Variants in SAXO1 observed in about 807,000 individuals in gnomAD.
SAXO1 encodes the protein 4930500O09Rik.
In SAXO1, 21 loss-of-function variants were observed where a neutral mutation model predicts 17.5. That is an observed-to-expected ratio of 1.20 (90% confidence interval 0.85 to 1.72). SAXO1 has a LOEUF of 1.72. Ranked by LOEUF, SAXO1 falls within the 40% of genes most tolerant of loss-of-function variation. The pLI is 0.00. For missense variants in SAXO1, 843 were observed against 596.0 expected, an observed-to-expected ratio of 1.41 and a Z score of -4.32; for synonymous variants, 274 against 216.5, an observed-to-expected ratio of 1.27 and a Z score of -2.33.
In SAXO1 at chr9:18,929,051, A is replaced by T; in HGVS notation, c.426T>A (p.Asp142Glu). ...GCCTTGGTTGGTTCCAAGGCAAATAATCAGCTGAAATTAAAGCAGAAGAGG... is the reference window on the plus strand; with the variant it reads ...GCCTTGGTTGGTTCCAAGGCAAATATTCAGCTGAAATTAAAGCAGAAGAGG... ...KMECLPTYKA[D>E]YLPWNQPRRE... The change falls in exon 4 of 4, where the codon GAT becomes GAA. Residue 142 changes from aspartate to glutamate, a missense_variant. Transcript: ENST00000380534. 1 of 1,613,468 alleles carries T rather than the reference A, an allele frequency of 6.2e-7. No individual in the cohort carries two copies.
intron 1 of SAXO1, among the ~76,000 whole-genome samples, chr9:18,989,260 G>A (rs1051122176): frequency 9.2e-5 from 14 of 152,060 alleles, no homozygotes; most frequent in African/African-American, 3.4e-4. Context: ...CTTCCCTATT[G>A]CTTTTAAGTG....
chr9:18,995,281 T>C (rs1430867326), intron 1 of SAXO1, among the ~76,000 whole-genome samples: 1 of 152,214 alleles, frequency 6.6e-6, no homozygotes, highest in East Asian at 1.9e-4. Flanking sequence ...TAGCGATCAG[T>C]ATCTATCTCT....
intron 1 of SAXO1, among the ~76,000 whole-genome samples, chr9:18,969,078 T>G (rs1832848627): frequency 6.6e-6 from 1 of 151,956 alleles, no homozygotes; most frequent in Non-Finnish European, 1.5e-5. Flanking sequence ...TTGTCTAAAT[T>G]AAGGAAATAT....
chr9:18,966,126 G>A (rs1832706572), intron 1 of SAXO1, among the ~76,000 whole-genome samples: 1 of 152,146 alleles, frequency 6.6e-6, no homozygotes, highest in African/African-American at 2.4e-5. Flanking sequence ...TAGTCTGATG[G>A]GCTTCCCTTT....
intron 2 of SAXO1, among the ~76,000 whole-genome samples, chr9:18,948,112 T>A (rs1032715839): frequency 6.6e-6 from 1 of 152,102 alleles, no homozygotes; most frequent in Non-Finnish European, 1.5e-5. Context: ...GTGCAGACAC[T>A]GGGCTGTGCA....
intron 2 of SAXO1, among the ~76,000 whole-genome samples, chr9:18,942,516 G>A (rs925547373): frequency 1.2e-4 from 18 of 152,150 alleles, no homozygotes; most frequent in African/African-American, 4.3e-4. Flanking sequence ...TCCTGCTAAT[G>A]TTTATCTCTT....
intron 1 of SAXO1, among the ~76,000 whole-genome samples, chr9:18,999,748 T>G (rs1194692348): frequency 2.7e-5 from 4 of 145,750 alleles, no homozygotes; most frequent in African/African-American, 1.0e-4. Context: ...GTCTGGGAAG[T>G]GAGGAGCGCC....
At chr9:18,934,211 A>G (rs1279470577) in intron 3 of SAXO1, among the ~76,000 whole-genome samples, 2 of 152,140 alleles carry the variant, frequency 1.3e-5, no homozygotes, top group Admixed American at 6.5e-5. Flanking sequence ...TGCCTCTTGA[A>G]TGTATTAATA....
chr9:19,027,540 T>C, intron 1 of SAXO1: 1 of 1,091,998 alleles, frequency 9.2e-7, no homozygotes, highest in Non-Finnish European at 1.4e-6. Context: ...AAGACCCTCC[T>C]GGCCTGGGCC....
At chr9:18,934,003 AG>A (rs1269555633) in intron 3 of SAXO1, among the ~76,000 whole-genome samples, 15 of 152,282 alleles carry the variant, frequency 9.9e-5, no homozygotes, top group South Asian at 2.1e-4. Context: ...CCGAGATTGC[AG>A]CCACTGCACT....
rs115713980 is a variant in SAXO1, at chr9:18,997,731, T to C, written c.38+35140A>G. Among the ~76,000 whole-genome samples the C allele has an allele frequency of 8.3e-3, 1,264 of 152,234 alleles. 18 individuals carry two copies. The highest frequency in any genetic ancestry group is 0.029 in the African/African-American group (1,193 of 41,566). ...CCAGTAGGGGCTGACAGATACTTCATACAGGTGGGTGCCGATCAAGGATGA... is the reference window on the plus strand; with the variant it reads ...CCAGTAGGGGCTGACAGATACTTCACACAGGTGGGTGCCGATCAAGGATGA... On this transcript the variant is annotated intron_variant, in intron 1 of 3. Coordinates refer to ENST00000380534, the MANE Select transcript of SAXO1 (RefSeq NM_153707.4).
At chr9:18,995,003 G>C (rs1314837704) in intron 1 of SAXO1, among the ~76,000 whole-genome samples, 3 of 152,182 alleles carry the variant, frequency 2.0e-5, no homozygotes, top group Non-Finnish European at 2.9e-5. Flanking sequence ...GGTTCCATTA[G>C]ACCATCCAGG....
intron 1 of SAXO1, among the ~76,000 whole-genome samples, chr9:18,977,270 G>C (rs1174509024): frequency 6.6e-6 from 1 of 152,140 alleles, no homozygotes; most frequent in Non-Finnish European, 1.5e-5. Context: ...GATGCCAATA[G>C]GAATTAATCT....
At chr9:19,023,051 AG>A (rs1460018635) in intron 1 of SAXO1, among the ~76,000 whole-genome samples, 2 of 152,296 alleles carry the variant, frequency 1.3e-5, no homozygotes, top group East Asian at 3.9e-4. Context: ...AAGGGCAGAG[AG>A]CCTCCCAGAG....
chr9:18,929,479 C>T (rs1246143497), intron 3 of SAXO1, among the ~76,000 whole-genome samples: 3 of 152,140 alleles, frequency 2.0e-5, no homozygotes. Context: ...CACAACCCAC[C>T]ACTGGTGGGC....
At chr9:18,989,874 T>C (rs1171494222) in intron 1 of SAXO1, among the ~76,000 whole-genome samples, 1 of 152,198 alleles carries the variant, frequency 6.6e-6, no homozygotes, top group Non-Finnish European at 1.5e-5. Flanking sequence ...ATTTCAGCCA[T>C]TGCTCTTACA....
At position 19,027,457 on chromosome 9, in the gene SAXO1, A is replaced by G. The variant is rs61280727; in HGVS notation, c.38+5414T>C. 3,200 of 774,564 alleles carry G rather than the reference A, an allele frequency of 4.1e-3. 99 individuals carry two copies. The East Asian group carries it at 0.071, about 17-fold the overall frequency. The allele number at this position is 774,564 out of a possible 1,614,324, so 48.0% of individuals were successfully genotyped here. A position where few individuals can be genotyped will look rare whatever the true frequency, so the allele number is the denominator to read the frequency against. ...ACTGGTGGAGGCCACTGTCTTGTCA[A>G]TGAACCACAAGGAGAAGTTTGAGAA... is the stretch of plus-strand genomic sequence containing the variant. On this transcript the variant is annotated intron_variant, in intron 1 of 3. Coordinates refer to ENST00000380534, the MANE Select transcript of SAXO1 (RefSeq NM_153707.4).
intron 1 of SAXO1, among the ~76,000 whole-genome samples, chr9:18,963,077 T>C (rs985520197): frequency 2.2e-4 from 33 of 152,216 alleles, no homozygotes; most frequent in Admixed American, 2.0e-3. Context: ...ATTGATTGTT[T>C]TTGTCAGATT....
Position 19,014,188 on chromosome 9 carries a change from C to T in SAXO1, c.38+18683G>A, listed in dbSNP as rs111331875. Among the ~76,000 whole-genome samples the T allele has an allele frequency of 3.5e-3, 533 of 151,780 alleles. 8 individuals are homozygous for T. The South Asian group carries it at 0.045, about 13-fold the overall frequency. The stretch of plus-strand genomic sequence containing the variant: ...TTAAATTGGCAAAAATCACCGGGTA[C>T]GGTGGCTCACACCTGTAATCGCAGC... On this transcript the variant is annotated intron_variant, in intron 1 of 3. Coordinates refer to ENST00000380534, the MANE Select transcript of SAXO1 (RefSeq NM_153707.4).
Sources: gnomAD v4.1 joint callset for allele counts (sites outside exome capture counted in the v4.1 genomes callset) on GRCh38, gnomAD v4.1.1 for gene constraint, MANE v1.5 for transcripts, NCBI Gene and HGNC (gene_info 2026-07-23, HGNC 2026-07-21) for gene names.